The following PHIP variants were observed in gnomAD, a reference collection of about 807,000 sequenced individuals.
PHIP encodes the protein PHIP subunit of CUL4-Ring ligase complex, also known as PH-interacting protein.
A neutral mutation model predicts 236.8 loss-of-function variants in PHIP; 54 were observed. The ratio of observed to expected loss-of-function variants is 0.23; its 90% CI spans 0.18 to 0.29. PHIP has a LOEUF of 0.29. Among genes scored for constraint, PHIP ranks in the 10% least tolerant of loss-of-function variants. The pLI is 1.00. For missense variants in PHIP, 1,370 were observed against 2,190.8 expected (o/e 0.63, Z 7.48); for synonymous variants, 756 against 718.9 (o/e 1.05, Z -0.83).
At chr6:78,996,012 T>C (rs1344365421) in intron 19 of PHIP, among the ~76,000 whole-genome samples, 1 of 152,198 alleles carries the variant, frequency 6.6e-6, no homozygotes, top group Admixed American at 6.5e-5. Context: ...GATAAAGGAA[T>C]AAAAGGATGA....
intron 6 of PHIP, among the ~76,000 whole-genome samples, chr6:79,046,818 A>G (rs530371888): frequency 1.1e-3 from 173 of 151,896 alleles, no homozygotes; most frequent in Non-Finnish European, 2.1e-3. Flanking sequence ...GGAGGTTGCC[A>G]TAAGTTGAGA....
chr6:78,976,145 C>G (rs1424912461), intron 24 of PHIP, among the ~76,000 whole-genome samples: 1 of 149,802 alleles, frequency 6.7e-6, no homozygotes, highest in Non-Finnish European at 1.5e-5. Flanking sequence ...CTACAGTAAC[C>G]AAAACAGCAT....
intron 15 of PHIP, among the ~76,000 whole-genome samples, chr6:79,013,043 T>C (rs1315466353): frequency 6.6e-6 from 1 of 151,754 alleles, no homozygotes; most frequent in Non-Finnish European, 1.5e-5. Context: ...AAGATTTGAG[T>C]ACAACCAGAG....
chr6:78,945,534 ATTGAACCTAAAGAT>A (rs1485058532), intron 38 of PHIP, 37 bp from the exon 39 acceptor site: 1 of 1,277,628 alleles, frequency 7.8e-7, no homozygotes, highest in African/African-American at 1.5e-5. Context: ...ATTAAGAGTT[ATTGAACCTAAAGAT>A]AAGAAAAAAG....
chr6:79,015,900 T>C, intron 13 of PHIP, 117 bp from the exon 14 acceptor site: 1 of 645,794 alleles, frequency 1.5e-6, no homozygotes, highest in Non-Finnish European at 2.5e-6. Flanking sequence ...CACTTAACAG[T>C]AACTGAGAAG....
chr6:79,044,710 G>C (rs1487763998), intron 6 of PHIP, among the ~76,000 whole-genome samples: 1 of 152,062 alleles, frequency 6.6e-6, no homozygotes, highest in Admixed American at 6.6e-5. Context: ...CAGTGTTCAG[G>C]TGTGAAAATA....
intron 24 of PHIP, among the ~76,000 whole-genome samples, chr6:78,975,552 G>A (rs997203478): frequency 3.3e-5 from 5 of 152,094 alleles, no homozygotes; most frequent in African/African-American, 1.2e-4. Context: ...GGAAAGAAAG[G>A]GTATTCAATT....
chr6:79,016,419 G>A, intron 13 of PHIP, 125 bp downstream of exon 13: 1 of 473,552 alleles, frequency 2.1e-6, no homozygotes, highest in Non-Finnish European at 3.8e-6. Flanking sequence ...TGTACCTCTA[G>A]TTATCGCAGA....
At chr6:78,973,251 C>A (rs963264929) in intron 24 of PHIP, among the ~76,000 whole-genome samples, 1 of 149,182 alleles carries the variant, frequency 6.7e-6, no homozygotes, top group African/African-American at 2.5e-5. Context: ...GAATTTTCAA[C>A]CCAGAATTTC....
chr6:78,970,154 A>G lies in PHIP; in HGVS notation c.3017T>C (p.Ile1006Thr). 1 of 1,612,056 alleles carries G rather than the reference A, an allele frequency of 6.2e-7. No homozygotes were observed. The highest frequency in any genetic ancestry group is 8.5e-7 in the Non-Finnish European group (1 of 1,178,430). The change falls in exon 26 of 40, where the codon ATA (isoleucine) becomes ACA (threonine). Residue 1006 changes from isoleucine (I) to threonine (T), a missense_variant. Transcript: ENST00000275034. Reference sequence around the variant, plus strand: ...TCCCACTTCATACTTTATGCCAACTATTTTCATAAGTTCTTGTTCCTGAGA... The same window carrying G: ...TCCCACTTCATACTTTATGCCAACTGTTTTCATAAGTTCTTGTTCCTGAGA... ...MELREQELMK[I>T]VGIKYEVGLP...
At chr6:79,063,445 C>T (rs2127774364) in intron 4 of PHIP, among the ~76,000 whole-genome samples, 2 of 152,334 alleles carry the variant, frequency 1.3e-5, no homozygotes. Flanking sequence ...GAGACGGAGT[C>T]TCCCTCTGTC....
intron 4 of PHIP, among the ~76,000 whole-genome samples, chr6:79,066,980 C>T (rs1247489558): frequency 1.3e-5 from 2 of 152,148 alleles, no homozygotes; most frequent in Non-Finnish European, 2.9e-5. Flanking sequence ...CCTCAAATTC[C>T]TGGGCTCAAA....
intron 7 of PHIP, among the ~76,000 whole-genome samples, chr6:79,036,650 C>T (rs1259038909): frequency 6.6e-6 from 1 of 151,992 alleles, no homozygotes; most frequent in African/African-American, 2.4e-5. Context: ...GGGCCAGGCG[C>T]GGTGGCTCAC....
intron 7 of PHIP, among the ~76,000 whole-genome samples, chr6:79,029,242 C>T (rs35744497): frequency 0.041 from 6,189 of 152,224 alleles, 205 homozygotes; most frequent in Non-Finnish European, 0.064. Context: ...TTTGCTGCCC[C>T]TACCCCTAAT....
Position 78,963,187 on chromosome 6 carries a change from A to T in PHIP, c.3445T>A (p.Tyr1149Asn). Residue 1149 changes from tyrosine to asparagine, a missense_variant, in exon 30 of 40, where the codon TAT (tyrosine) becomes AAT (asparagine). Tyr to Asn is a moderately radical substitution (Grantham distance 143). Around this residue, in one of 14 missense-constraint regions of PHIP, gnomAD observed 238 missense variants for 398.5 expected, o/e 0.60. Transcript: ENST00000275034. ...LTDGECRSLIYKPLDGEWGTN... is the reference protein window; with the variant it reads ...LTDGECRSLINKPLDGEWGTN... ...CCCCATTCTCCATCAAGAGGTTTAT[A>T]GATTAGTGATCTGCACTCACCATCA... 6.2e-7 allele frequency: 1 copy of T among 1,611,438 alleles called. No individual in the cohort carries two copies. The highest frequency in any genetic ancestry group is 1.7e-4 in the Middle Eastern group (1 of 6,054).
chr6:79,001,071 C>G (rs1769961323), intron 17 of PHIP, among the ~76,000 whole-genome samples: 1 of 152,034 alleles, frequency 6.6e-6, no homozygotes, highest in Admixed American at 6.6e-5. Context: ...AACACAAAAG[C>G]TACTTAGAAG....
At chr6:78,973,688 C>A (rs969734505) in intron 24 of PHIP, among the ~76,000 whole-genome samples, 55 of 151,002 alleles carry the variant, frequency 3.6e-4, no homozygotes, top group Non-Finnish European at 5.3e-4. Flanking sequence ...GGAAGATGTA[C>A]CAAGCAAATG....
chr6:79,001,845 T>A (rs560367995), intron 17 of PHIP, 54 bp downstream of exon 17: 1 of 1,162,514 alleles, frequency 8.6e-7, no homozygotes, highest in African/African-American at 1.5e-5. Context: ...TTAGCAATTT[T>A]AACAGTTCGG....
chr6:79,025,647 CT>C, intron 8 of PHIP, 28 bp from the exon 9 acceptor site: 1 of 1,393,476 alleles, frequency 7.2e-7, no homozygotes, highest in Non-Finnish European at 1.0e-6. Flanking sequence ...GAAAAAAAAT[CT>C]TTACAAGAGT....
Sources: allele counts gnomAD v4.1 joint callset (sites outside exome capture counted in the v4.1 genomes callset), GRCh38; gene constraint gnomAD v4.1.1; regional missense constraint gnomAD v4.1.1; transcripts MANE v1.5; gene names NCBI Gene and HGNC (gene_info 2026-07-23, HGNC 2026-07-21).